The following TBC1D1 variants were observed in gnomAD, a reference collection of about 807,000 sequenced individuals.
TBC1D1 encodes TBC1 (tre-2/USP6, BUB2, cdc16) domain family, member 1.
A neutral mutation model predicts 125.6 loss-of-function variants in TBC1D1; 89 were observed. That is an observed-to-expected ratio of 0.71 (90% confidence interval 0.60 to 0.85). TBC1D1 has a LOEUF of 0.85. TBC1D1 is among the 40% of genes least tolerant of loss of function. The pLI, the probability that TBC1D1 is intolerant of heterozygous loss-of-function variation, is 0.00. For missense variants in TBC1D1, 1,377 were observed against 1,469.2 expected (o/e 0.94, Z 1.03); for synonymous variants, 565 against 564.1 (o/e 1.00, Z -0.02).
rs570981667 is a variant in TBC1D1 at position 38,002,244 on chromosome 4, G to A, written c.418-12265G>A. The stretch of plus-strand genomic sequence containing the variant: ...ATATATACCCACCATAAAAAAGAAA[G>A]GGTTAAACTACATTCTCTGTAGGCT... On this transcript the variant is annotated intron_variant, in intron 2 of 19. Coordinates refer to ENST00000261439, the MANE Select transcript of TBC1D1 (RefSeq NM_015173.4). 2.0e-5 allele frequency among the ~76,000 whole-genome samples: 3 copies of A among 152,212 alleles called. No homozygotes were observed. In the East Asian group the frequency reaches 5.8e-4, roughly 29 times the overall value.
intron 2 of TBC1D1, among the ~76,000 whole-genome samples, chr4:37,983,139 T>TTC (rs1734710389): frequency 7.0e-6 from 1 of 142,110 alleles, no homozygotes; most frequent in Admixed American, 6.9e-5. Flanking sequence ...TTTTTTTTTT[T>TTC]TTCAGACGGA....
intron 18 of TBC1D1, among the ~76,000 whole-genome samples, chr4:38,131,160 G>A (rs1765522771): frequency 6.6e-6 from 1 of 152,210 alleles, no homozygotes; most frequent in African/African-American, 2.4e-5. Context: ...GGGATTAATG[G>A]AGGCCTGGAA....
At chr4:37,943,536 T>C (rs1454874425) in intron 2 of TBC1D1, among the ~76,000 whole-genome samples, 1 of 152,216 alleles carries the variant, frequency 6.6e-6, no homozygotes, top group Non-Finnish European at 1.5e-5. Flanking sequence ...TATTCATTTC[T>C]TTTTACTCTT....
At position 38,133,138 on chromosome 4, in the gene TBC1D1, G is replaced by T; in HGVS notation, c.3187G>T (p.Val1063Phe). The T allele has an allele frequency of 6.2e-7, 1 of 1,614,138 alleles. No individual in the cohort carries two copies. Reference sequence around the variant, plus strand: ...ACAAGCTTATGAAGTTGAGTACCACGTCCTTCAAGAAGAACTTATCGATTC... The same window carrying T: ...ACAAGCTTATGAAGTTGAGTACCACTTCCTTCAAGAAGAACTTATCGATTC... Residue 1063 changes from valine (V) to phenylalanine (F), a missense_variant, in exon 19 of 20, where the codon GTC (valine) becomes TTC (phenylalanine). Coordinates refer to ENST00000261439, the MANE Select transcript of TBC1D1 (RefSeq NM_015173.4).
chr4:37,891,840 T>C (rs886189720), intron 1 of TBC1D1, among the ~76,000 whole-genome samples: 4 of 151,986 alleles, frequency 2.6e-5, no homozygotes, highest in Admixed American at 6.6e-5. Flanking sequence ...TTTGAAACCC[T>C]GCTTCATTGT....
chr4:38,018,396 A>G lies in TBC1D1; in HGVS notation c.925A>G (p.Lys309Glu). The stretch of plus-strand genomic sequence containing the variant: ...TTACCTCATCAGTCCTGACACCAAA[A>G]AAATAGCATTGGAGAAAAATTTTAA... The change falls in exon 4 of 20, where the codon AAA (lysine) becomes GAA (glutamate). Residue 309 changes from lysine (K) to glutamate (E), a missense_variant. Coordinates refer to ENST00000261439, the MANE Select transcript of TBC1D1 (RefSeq NM_015173.4). 6.2e-7 allele frequency: 1 copy of G among 1,612,628 alleles called. No homozygotes were observed. The highest frequency in any genetic ancestry group is 8.5e-7 in the Non-Finnish European group (1 of 1,179,560).
chr4:37,982,918 A>G (rs1334859793), intron 2 of TBC1D1, among the ~76,000 whole-genome samples: 2 of 152,282 alleles, frequency 1.3e-5, no homozygotes, highest in Admixed American at 6.5e-5. Flanking sequence ...TGTGCCAGGC[A>G]GTTAGAGTAG....
chr4:37,912,397 T>C (rs1304154212), intron 2 of TBC1D1, among the ~76,000 whole-genome samples: 1 of 152,202 alleles, frequency 6.6e-6, no homozygotes, highest in African/African-American at 2.4e-5. Context: ...AATGATGAGA[T>C]GCCCACTGTA....
At chr4:38,128,069 G>A (rs1350663741) in intron 18 of TBC1D1, among the ~76,000 whole-genome samples, 1 of 152,176 alleles carries the variant, frequency 6.6e-6, no homozygotes, top group Non-Finnish European at 1.5e-5. Flanking sequence ...TGGTCCACAG[G>A]TGGTGGTTTG....
intron 2 of TBC1D1, among the ~76,000 whole-genome samples, chr4:37,940,440 A>T (rs946680329): frequency 1.5e-4 from 23 of 152,212 alleles, no homozygotes; most frequent in African/African-American, 4.3e-4. Context: ...CGATGGGGTT[A>T]TCTAGATATA....
chr4:37,964,756 C>T (rs1730751649), intron 2 of TBC1D1, among the ~76,000 whole-genome samples: 1 of 152,264 alleles, frequency 6.6e-6, no homozygotes, highest in African/African-American at 2.4e-5. Context: ...TTTCTCTCTT[C>T]CTTCCTTCCT....
chr4:37,936,349 G>C (rs1025942405), intron 2 of TBC1D1, among the ~76,000 whole-genome samples: 2 of 152,198 alleles, frequency 1.3e-5, no homozygotes, highest in Non-Finnish European at 2.9e-5. Context: ...CTATTGTACA[G>C]TACTGCAGGT....
chr4:38,105,587 C>T (rs1160680010), intron 15 of TBC1D1, among the ~76,000 whole-genome samples: 2 of 152,140 alleles, frequency 1.3e-5, no homozygotes, highest in Non-Finnish European at 2.9e-5. Context: ...CCTTGCCTTC[C>T]TCCCTCCCTC....
At chr4:38,013,604 C>A (rs1350636111) in intron 2 of TBC1D1, among the ~76,000 whole-genome samples, 2 of 152,222 alleles carry the variant, frequency 1.3e-5, no homozygotes, top group African/African-American at 4.8e-5. Flanking sequence ...GGCTGTCCAT[C>A]ATCTGAGCAA....
intron 2 of TBC1D1, among the ~76,000 whole-genome samples, chr4:38,007,572 T>G (rs906975885): frequency 6.6e-6 from 1 of 152,216 alleles, no homozygotes; most frequent in African/African-American, 2.4e-5. Flanking sequence ...TTTTAATAAC[T>G]TATTTGAAAT....
chr4:37,996,159 C>G, intron 2 of TBC1D1: 1 of 414,666 alleles, frequency 2.4e-6, no homozygotes, highest in Non-Finnish European at 4.9e-6. Flanking sequence ...AGACATGTAC[C>G]TGGGTGTGGG....
chr4:37,960,647 A>G (rs1729816077), intron 2 of TBC1D1: 3 of 1,614,248 alleles, frequency 1.9e-6, no homozygotes, highest in Non-Finnish European at 2.5e-6. Flanking sequence ...ACAGAGCTAC[A>G]GAAAAGTCAG....
At chr4:38,023,335 A>G (rs1744445410) in intron 6 of TBC1D1, among the ~76,000 whole-genome samples, 1 of 152,204 alleles carries the variant, frequency 6.6e-6, no homozygotes, top group South Asian at 2.1e-4. Flanking sequence ...TTAAAAAAAT[A>G]TAGTAAAAAC....
intron 2 of TBC1D1, chr4:37,960,663 A>G (rs764941579): frequency 6.2e-7 from 1 of 1,614,234 alleles, no homozygotes; most frequent in Non-Finnish European, 8.5e-7. Context: ...GTCAGTAAAG[A>G]CCAATGGACC....
Sources: gnomAD v4.1 joint callset for allele counts (sites outside exome capture counted in the v4.1 genomes callset) on GRCh38, gnomAD v4.1.1 for gene constraint, MANE v1.5 for transcripts, NCBI Gene and HGNC (gene_info 2026-07-23, HGNC 2026-07-21) for gene names.